ANKRD44: variants seen among roughly 807,000 people sequenced by gnomAD.
ANKRD44 encodes serine/threonine-protein phosphatase 6 regulatory ankyrin repeat subunit B.
ANKRD44 carries 35 observed loss-of-function variants against 116.0 expected under a neutral mutation model. The ratio of observed to expected loss-of-function variants is 0.30; its 90% CI spans 0.23 to 0.40. The LOEUF (loss-of-function observed/expected upper bound fraction) is 0.40, where lower values mean the gene tolerates loss of function less well. Among genes scored for constraint, ANKRD44 ranks in the 10% least tolerant of loss-of-function variants. The probability of loss-of-function intolerance (pLI) is 1.00; values close to 1 mark genes in which losing one functional copy is unlikely to be tolerated. For synonymous variants in ANKRD44, 435 were observed against 461.8 expected, an observed-to-expected ratio of 0.94 and a Z score of 0.74; for missense variants, 1,014 against 1,242.6, an observed-to-expected ratio of 0.82 and a Z score of 2.77.
chr2:197,236,713 C>CAAAAAAAAAAAAAAAA (rs71012964), intron 1 of ANKRD44, among the ~76,000 whole-genome samples: 1 of 105,246 alleles, frequency 9.5e-6, no homozygotes, highest in African/African-American at 3.2e-5. Context: ...ACAAACTACT[C>CAAAAAAAAAAAAAAAA]AAAAAAAAAA....
chr2:197,279,613 C>T (rs1222751337), intron 1 of ANKRD44, among the ~76,000 whole-genome samples: 1 of 152,180 alleles, frequency 6.6e-6, no homozygotes, highest in Non-Finnish European at 1.5e-5. Flanking sequence ...GCAAGGCTTC[C>T]TTTTTCTCTC....
chr2:197,298,493 G>T (rs1378199513), intron 1 of ANKRD44, among the ~76,000 whole-genome samples: 2 of 152,192 alleles, frequency 1.3e-5, no homozygotes, highest in African/African-American at 4.8e-5. Context: ...AAACAGAAAG[G>T]ATTCTAACAA....
chr2:196,979,891 G>A (rs1423848552), intron 21 of ANKRD44, among the ~76,000 whole-genome samples: 1 of 151,990 alleles, frequency 6.6e-6, no homozygotes, highest in Non-Finnish European at 1.5e-5. Context: ...GCAGTTTAAA[G>A]GTTTTTAAAG....
At chr2:197,233,528 T>A (rs1483287499) in intron 1 of ANKRD44, among the ~76,000 whole-genome samples, 1 of 152,194 alleles carries the variant, frequency 6.6e-6, no homozygotes, top group Non-Finnish European at 1.5e-5. Flanking sequence ...TATATTCTAT[T>A]TCATATCATG....
At chr2:197,065,894 G>A (rs12693808) in intron 16 of ANKRD44, among the ~76,000 whole-genome samples, 109,574 of 152,036 alleles carry the variant, frequency 0.72, 40,894 homozygotes, top group East Asian at 0.86. Flanking sequence ...TTCTGAAACT[G>A]TTCCAATCAA....
intron 1 of ANKRD44, among the ~76,000 whole-genome samples, chr2:197,304,549 C>T (rs529225086): frequency 1.3e-5 from 2 of 152,130 alleles, no homozygotes; most frequent in Non-Finnish European, 2.9e-5. Context: ...TGAAGAGCAT[C>T]GGTCTCCATT....
chr2:197,274,920 C>A (rs1489399106), intron 1 of ANKRD44, among the ~76,000 whole-genome samples: 1 of 151,832 alleles, frequency 6.6e-6, no homozygotes, highest in Admixed American at 6.6e-5. Flanking sequence ...ATAGAGAAAC[C>A]CCATCTCTAT....
At chr2:197,111,331 G>A (rs2125277875) in intron 8 of ANKRD44, among the ~76,000 whole-genome samples, 1 of 152,228 alleles carries the variant, frequency 6.6e-6, no homozygotes, top group African/African-American at 2.4e-5. Context: ...AAATGGCTCT[G>A]AATCACTGCA....
At chr2:197,290,945 G>A (rs2083550202) in intron 1 of ANKRD44, among the ~76,000 whole-genome samples, 2 of 151,834 alleles carry the variant, frequency 1.3e-5, no homozygotes, top group Admixed American at 6.6e-5. Flanking sequence ...ACAGCAGCTC[G>A]CACCTGTAAT....
At chr2:197,209,987 C>T (rs1229573927) in intron 1 of ANKRD44, among the ~76,000 whole-genome samples, 2 of 152,140 alleles carry the variant, frequency 1.3e-5, no homozygotes, top group African/African-American at 4.8e-5. Context: ...CGCACAGAGA[C>T]CACAGGAATC....
At chr2:197,256,152 C>T (rs1335896007) in intron 1 of ANKRD44, among the ~76,000 whole-genome samples, 1 of 152,132 alleles carries the variant, frequency 6.6e-6, no homozygotes, top group Non-Finnish European at 1.5e-5. Flanking sequence ...TCATTTAATG[C>T]TCTAGATGGC....
chr2:197,159,820 G>T (rs1392762831), intron 2 of ANKRD44, among the ~76,000 whole-genome samples: 2 of 152,154 alleles, frequency 1.3e-5, no homozygotes, highest in East Asian at 3.8e-4. Context: ...TCAGAGTTAA[G>T]TGACTCACCC....
chr2:197,269,747 A>C (rs1427415729), intron 1 of ANKRD44, among the ~76,000 whole-genome samples: 1 of 152,120 alleles, frequency 6.6e-6, no homozygotes, highest in Non-Finnish European at 1.5e-5. Flanking sequence ...AAAGTGGCCC[A>C]TGGGAGGTAT....
At chr2:197,087,189 CATG>C (rs1407644764) in intron 12 of ANKRD44, among the ~76,000 whole-genome samples, 9 of 152,124 alleles carry the variant, frequency 5.9e-5, no homozygotes, top group African/African-American at 1.4e-4. Flanking sequence ...ATGAATTCAC[CATG>C]ATAACCACTT....
chr2:197,146,181 T>C (rs2079496302), intron 3 of ANKRD44, among the ~76,000 whole-genome samples: 1 of 152,142 alleles, frequency 6.6e-6, no homozygotes, highest in African/African-American at 2.4e-5. Flanking sequence ...TAAACACAAA[T>C]CAGATTTAAA....
intron 4 of ANKRD44, among the ~76,000 whole-genome samples, chr2:197,132,684 A>G (rs994533079): frequency 1.3e-5 from 2 of 152,184 alleles, no homozygotes; most frequent in Admixed American, 6.5e-5. Context: ...TGCATGCATA[A>G]AAGATTATTA....
intron 8 of ANKRD44, among the ~76,000 whole-genome samples, chr2:197,115,373 T>C (rs527658652): frequency 4.6e-5 from 7 of 152,380 alleles, no homozygotes; most frequent in African/African-American, 1.7e-4. Context: ...TTTCTCATGT[T>C]CTACCTATTT....
chr2:197,079,645 T>C (rs929676010), intron 15 of ANKRD44, among the ~76,000 whole-genome samples: 3 of 152,238 alleles, frequency 2.0e-5, no homozygotes, highest in African/African-American at 4.8e-5. Context: ...CGCTGCTTCA[T>C]AGCATCAGCA....
intron 2 of ANKRD44, among the ~76,000 whole-genome samples, chr2:197,160,475 C>T (rs1259045328): frequency 6.6e-6 from 1 of 152,076 alleles, no homozygotes; most frequent in Non-Finnish European, 1.5e-5. Flanking sequence ...TGCTTGCCTG[C>T]CTCCTCTCCC....
Sources: allele counts gnomAD v4.1 joint callset (sites outside exome capture counted in the v4.1 genomes callset), GRCh38; gene constraint gnomAD v4.1.1; transcripts MANE v1.5; gene names NCBI Gene and HGNC (gene_info 2026-07-23, HGNC 2026-07-21).